The following TUT1 variants were observed in gnomAD, a reference collection of about 807,000 sequenced individuals.
The protein encoded by TUT1 is speckle targeted PIP5K1A-regulated poly(A) polymerase.
A neutral mutation model predicts 48.8 loss-of-function variants in TUT1; 26 were observed. The observed-to-expected ratio is 0.53, with a 90% CI of 0.39 to 0.74. The LOEUF (loss-of-function observed/expected upper bound fraction) is 0.74, where lower values mean the gene tolerates loss of function less well. Among genes scored for constraint, TUT1 ranks in the 30% least tolerant of loss-of-function variants. The probability of loss-of-function intolerance (pLI) is 0.00; values close to 1 mark genes in which losing one functional copy is unlikely to be tolerated. For missense variants in TUT1, 1,065 were observed against 1,114.8 expected (o/e 0.96, Z 0.64); for synonymous variants, 470 against 460.8 (o/e 1.02, Z -0.26).
chr11:62,585,240 C>T (rs1038918066), intron 2 of TUT1, among the ~76,000 whole-genome samples: 2 of 152,180 alleles, frequency 1.3e-5, no homozygotes, highest in Non-Finnish European at 2.9e-5. Context: ...CCCGCCTCAG[C>T]CTCCTCAGTA....
Position 62,578,896 on chromosome 11 carries a change from G to C in TUT1, c.825C>G (p.Ala275=), listed in dbSNP as rs767454661. 1 of 1,601,828 alleles carries C rather than the reference G, an allele frequency of 6.2e-7. No individual in the cohort carries two copies. Among genetic ancestry groups the C allele is most frequent in the South Asian group, 1.1e-5 (1 of 89,786 alleles). ...AGGAGGAAGGGGTTTCAAAGTCCAG[G>C]GCTTCAGAATCCTGGGGAGAAGCAG... ...QPPASPQDSE[A]LDFETPSSSL... The change falls in exon 5 of 9, where the codon GCC becomes GCG. Residue 275 remains alanine (A), a synonymous_variant. Transcript: ENST00000476907.
intron 2 of TUT1, among the ~76,000 whole-genome samples, chr11:62,583,128 CAA>C (rs777695327): frequency 3.8e-4 from 22 of 58,516 alleles, no homozygotes; most frequent in Middle Eastern, 8.2e-3. Context: ...ACTCTGTCTC[CAA>C]AAAAAAAAAA....
Position 62,591,462 on chromosome 11 carries a change from G to C in TUT1, c.24C>G (p.Val8=). The C allele has an allele frequency of 6.2e-7, 1 of 1,611,382 alleles. No homozygotes were observed. Among genetic ancestry groups the C allele is most frequent in the Non-Finnish European group, 8.5e-7 (1 of 1,178,778 alleles). MAAVDSD[V]ESLPRGGFRC... is the part of the protein sequence containing the mutation. Reference sequence around the variant, plus strand: ...GGAACCCCCCACGCGGCAGCGATTCGACATCCGAATCCACCGCCGCCATAG... The same window carrying C: ...GGAACCCCCCACGCGGCAGCGATTCCACATCCGAATCCACCGCCGCCATAG... The change falls in exon 1 of 9, where the codon GTC becomes GTG. Residue 8 remains valine (V), a synonymous_variant. Coordinates refer to ENST00000476907, the MANE Select transcript of TUT1 (RefSeq NM_022830.3).
Position 62,578,632 on chromosome 11 carries a change from A to T in TUT1, c.1089T>A (p.Ser363=), listed in dbSNP as rs1941770843. The T allele has an allele frequency of 6.2e-7, 1 of 1,614,182 alleles. No individual in the cohort carries two copies. Among genetic ancestry groups the T allele is most frequent in the East Asian group, 2.2e-5 (1 of 44,874 alleles). ...PGVYRVQTVP[S]ARRPVVKFCH... Reference sequence around the variant, plus strand: ...AGAACTTGACCACAGGGCGCCGGGCAGAGGGCACAGTTTGGACTCGATACA... The same window carrying T: ...AGAACTTGACCACAGGGCGCCGGGCTGAGGGCACAGTTTGGACTCGATACA... The change falls in exon 5 of 9, where the codon TCT becomes TCA. Residue 363 remains serine, a synonymous_variant. Coordinates refer to ENST00000476907, the MANE Select transcript of TUT1 (RefSeq NM_022830.3).
intron 1 of TUT1, 119 bp downstream of exon 1, chr11:62,591,285 G>A (rs1347875710): frequency 7.1e-7 from 1 of 1,410,038 alleles, no homozygotes; most frequent in Non-Finnish European, 9.2e-7. Flanking sequence ...AAACGGAGGT[G>A]AGAGACCCTA....
chr11:62,585,211 C>T (rs1182316646), intron 2 of TUT1, among the ~76,000 whole-genome samples: 2 of 152,122 alleles, frequency 1.3e-5, no homozygotes, highest in Non-Finnish European at 2.9e-5. Context: ...GCTTTGAATT[C>T]CTGGGCTCAA....
At chr11:62,590,737 G>A (rs1002921054) in intron 1 of TUT1, among the ~76,000 whole-genome samples, 4 of 151,496 alleles carry the variant, frequency 2.6e-5, no homozygotes, top group Admixed American at 1.3e-4. Flanking sequence ...GTTTGAGCCC[G>A]GGAGGTTGAG....
rs538398396 is a variant in TUT1, at chr11:62,576,677, C to G, written c.1454G>C (p.Ser485Thr). The G allele has an allele frequency of 6.2e-7, 1 of 1,614,198 alleles. No homozygotes were observed. Among genetic ancestry groups the G allele is most frequent in the Non-Finnish European group, 8.5e-7 (1 of 1,180,020 alleles). Residue 485 changes from serine (S) to threonine (T), a missense_variant, in exon 8 of 9, where the codon AGC (serine) becomes ACC (threonine). Physicochemically the swap from Ser to Thr is moderately conservative, Grantham distance 58. Coordinates refer to ENST00000476907, the MANE Select transcript of TUT1 (RefSeq NM_022830.3). ...FPRDASRLEP[S>T]INVEPLSSLL... ...CTCACTGAGGGGCTCCACATTTATG[C>G]TGGGCTCCAGTCTTGAGGCATCCCT...
In TUT1 at chr11:62,576,976, C is replaced by A. The variant is rs780558441; in HGVS notation, c.1312G>T (p.Val438Leu). Residue 438 changes from valine (V) to leucine (L), a missense_variant, in exon 7 of 9, where the codon GTG (valine) becomes TTG (leucine). Transcript: ENST00000476907. Reference protein sequence around the residue: ...LLSNYALTLLVIYFLQTRDPP... With the variant: ...LLSNYALTLLLIYFLQTRDPP... ...TCCCTGGTCTGAAGAAAATAGATCA[C>A]CAGCAAGGTCAGGGCGTAGTTACTG... The A allele has an allele frequency of 6.2e-7, 1 of 1,614,088 alleles. No homozygotes were observed. Among genetic ancestry groups the A allele is most frequent in the East Asian group, 2.2e-5 (1 of 44,884 alleles).
At chr11:62,585,480 C>G (rs1445477947) in intron 2 of TUT1, among the ~76,000 whole-genome samples, 1 of 152,144 alleles carries the variant, frequency 6.6e-6, no homozygotes, top group East Asian at 1.9e-4. Context: ...TGTCTGTGCT[C>G]CTATTTTTCT....
rs752109511 is a variant in TUT1, at chr11:62,581,366, T to C, written c.589+20A>G. ...GCAAAGGCCAGGGAGGGCTCAGACA[T>C]AGTAGGGGAGGTAACTTACCAGGGA... On this transcript the variant is annotated intron_variant, in intron 3 of 8. Transcript: ENST00000476907. 4.4e-6 allele frequency: 7 copies of C among 1,585,984 alleles called. No homozygotes were observed. The highest frequency in any genetic ancestry group is 1.2e-5 in the South Asian group (1 of 86,772).
intron 1 of TUT1, among the ~76,000 whole-genome samples, chr11:62,590,143 A>G (rs1314534226): frequency 6.6e-6 from 1 of 152,236 alleles, no homozygotes. Flanking sequence ...AGTGCCATTC[A>G]CAGTGAAAAG....
intron 2 of TUT1, 131 bp from the exon 3 acceptor site, chr11:62,581,832 T>C (rs1187834332): frequency 1.1e-5 from 10 of 872,382 alleles, no homozygotes; most frequent in Non-Finnish European, 1.6e-5. Flanking sequence ...GTTTTCATAA[T>C]AACAGGGGAC....
At position 62,575,119 on chromosome 11, in the gene TUT1, G is replaced by C; in HGVS notation, c.2600C>G (p.Pro867Arg). ...DLHHFLQVFL[P>R]QAIRHLK Reference sequence around the variant, plus strand: ...TCACTTGAGATGTCGAATTGCTTGAGGGAGGAAAACCTGTAAGAAATGATG... The same window carrying C: ...TCACTTGAGATGTCGAATTGCTTGACGGAGGAAAACCTGTAAGAAATGATG... The change falls in exon 9 of 9, where the codon CCT becomes CGT. Residue 867 changes from proline to arginine, a missense_variant. Physicochemically the swap from Pro to Arg is moderately radical, Grantham distance 103 (BLOSUM62 -2). Coordinates refer to ENST00000476907, the MANE Select transcript of TUT1 (RefSeq NM_022830.3). 1 of 1,573,254 alleles carries C rather than the reference G, an allele frequency of 6.4e-7. No individual in the cohort carries two copies. The highest frequency in any genetic ancestry group is 8.6e-7 in the Non-Finnish European group (1 of 1,157,624).
At position 62,581,498 on chromosome 11, in the gene TUT1, C is replaced by G. The variant is rs373691366; in HGVS notation, c.477G>C (p.Val159=). ...LAKALAEAAD[V]GAQMIKLVGL... ...CCACAAGCTTTATCATTTGTGCCCC[C>G]ACGTCTGCAGCCTCAGCTAGCGCTT... Residue 159 remains valine (V), a synonymous_variant, in exon 3 of 9, where the codon GTG becomes GTC. Transcript: ENST00000476907. 8.4e-5 allele frequency: 135 copies of G among 1,614,212 alleles called. 2 individuals carry two copies. Among genetic ancestry groups the G allele is most frequent in the Non-Finnish European group, 9.9e-5 (117 of 1,180,038 alleles).
chr11:62,575,599 C>A lies in TUT1; in HGVS notation c.2120G>T (p.Ser707Ile), dbSNP rs1941708389. ...GEMVQDWAMQ[S>I]PGQPGDLPLT... ...GGGCAGGTCCCCTGGCTGCCCAGGG[C>A]TCTGCATGGCCCAGTCCTGCACCAT... The change falls in exon 9 of 9, where the codon AGC (serine) becomes ATC (isoleucine). Residue 707 changes from serine (S) to isoleucine (I), a missense_variant. Physicochemically the swap from Ser to Ile is moderately radical, Grantham distance 142. Coordinates refer to ENST00000476907, the MANE Select transcript of TUT1 (RefSeq NM_022830.3). 6.2e-7 allele frequency: 1 copy of A among 1,614,188 alleles called. No homozygotes were observed. The highest frequency in any genetic ancestry group is 1.1e-5 in the South Asian group (1 of 91,090).
Position 62,575,905 on chromosome 11 carries a change from G to A in TUT1, c.1814C>T (p.Ser605Phe). 1 of 1,614,202 alleles carries A rather than the reference G, an allele frequency of 6.2e-7. No homozygotes were observed. The highest frequency in any genetic ancestry group is 8.5e-7 in the Non-Finnish European group (1 of 1,180,006). The change falls in exon 9 of 9, where the codon TCT becomes TTT. Residue 605 changes from serine (S) to phenylalanine (F), a missense_variant. By Grantham distance (155) the Ser-to-Phe change is radical. Transcript: ENST00000476907. ...LQPSSPSSLL[S>F]ATPIPLPLAP... ...AAGGGGTAAAGGGATCGGCGTAGCA[G>A]AGAGCAGGGAGCTGGGGGAGCTGGG...
chr11:62,577,213 G>A lies in TUT1; in HGVS notation c.1239C>T (p.Leu413=), dbSNP rs1187139224. 3 of 1,610,672 alleles carry A rather than the reference G, an allele frequency of 1.9e-6. No homozygotes were observed. In the Admixed American group the frequency reaches 5.1e-5, roughly 27 times the overall value. Reference sequence around the variant, plus strand: ...GCCCCCGACCCTGAGCCCAGCAGCGGAGGGTGTACACGAGGGGCCGGACTC... The same window carrying A: ...GCCCCCGACCCTGAGCCCAGCAGCGAAGGGTGTACACGAGGGGCCGGACTC... ...DGRVRPLVYT[L]RCWAQGRGLS... is the part of the protein sequence containing the mutation. The change falls in exon 6 of 9, where the codon CTC becomes CTT. Residue 413 remains leucine, a synonymous_variant. Transcript: ENST00000476907.
chr11:62,578,573 G>C lies in TUT1; in HGVS notation c.1148C>G (p.Ser383Cys). Residue 383 changes from serine (S) to cysteine (C), a missense_variant, in exon 5 of 9, where the codon TCC becomes TGC. By Grantham distance (112) the Ser-to-Cys change is moderately radical (BLOSUM62 -1). Transcript: ENST00000476907. Reference protein sequence around the residue: ...HRPSGLHGDVSLSNRLALHNS... With the variant: ...HRPSGLHGDVCLSNRLALHNS... ...AAAAGAAAGGTACCGGTTACTGAGG[G>C]AGACATCACCGTGGAGACCTGAAGG... is the stretch of plus-strand genomic sequence containing the variant. 2.5e-6 allele frequency: 4 copies of C among 1,599,338 alleles called. No homozygotes were observed. Among genetic ancestry groups the C allele is most frequent in the Non-Finnish European group, 3.4e-6 (4 of 1,172,272 alleles).
Sources: gnomAD v4.1 joint callset for allele counts (sites outside exome capture counted in the v4.1 genomes callset) on GRCh38, gnomAD v4.1.1 for gene constraint, MANE v1.5 for transcripts, NCBI Gene and HGNC (gene_info 2026-07-23, HGNC 2026-07-21) for gene names.